CTNNA2: variants seen among roughly 807,000 people sequenced by gnomAD.
CTNNA2 encodes the protein catenin alpha 2, also known as catenin alpha-2.
Under a neutral mutation model 101.0 loss-of-function variants are expected in CTNNA2, and 42 were observed. The ratio of observed to expected loss-of-function variants is 0.42; its 90% confidence interval spans 0.32 to 0.54. The LOEUF is 0.54. Ranked by LOEUF, CTNNA2 falls within the 20% of genes least tolerant of loss-of-function variation. The pLI, the probability that CTNNA2 is intolerant of heterozygous loss-of-function variation, is 0.14. For missense variants in CTNNA2, 871 were observed against 1,223.1 expected (o/e 0.71, Z 4.29); for synonymous variants, 450 against 456.4 (o/e 0.99, Z 0.18).
intron 2 of CTNNA2, among the ~76,000 whole-genome samples, chr2:79,288,992 G>A (rs1675710246): frequency 6.6e-6 from 1 of 152,152 alleles, no homozygotes. Context: ...TAGGCATTAT[G>A]TCTGACATGT....
chr2:80,629,264 A>G (rs1233792386), intron 18 of CTNNA2, among the ~76,000 whole-genome samples: 1 of 152,162 alleles, frequency 6.6e-6, no homozygotes, highest in Non-Finnish European at 1.5e-5. Flanking sequence ...CTCTGCTGTC[A>G]TCAAGATTGC....
intron 7 of CTNNA2, among the ~76,000 whole-genome samples, chr2:80,024,073 C>T (rs1027151585): frequency 6.9e-5 from 9 of 130,224 alleles, no homozygotes; most frequent in African/African-American, 1.2e-4. Context: ...GGCGACAGAG[C>T]GAGACTCCGT....
chr2:80,242,929 C>T (rs893634629), intron 7 of CTNNA2, among the ~76,000 whole-genome samples: 5 of 152,022 alleles, frequency 3.3e-5, no homozygotes, highest in African/African-American at 1.2e-4. Flanking sequence ...AGGAGAGAGG[C>T]GGAGGGAGCA....
At chr2:79,320,260 A>ATTTTTTTTTTTTTTTTTTTTTT (rs34694986) in intron 3 of CTNNA2, among the ~76,000 whole-genome samples, 1 of 119,786 alleles carries the variant, frequency 8.3e-6, no homozygotes, top group Non-Finnish European at 1.7e-5. Context: ...TTACGTTTCA[A>ATTTTTTTTTTTTTTTTTTTTTT]TTTTTTTTTT....
intron 7 of CTNNA2, among the ~76,000 whole-genome samples, chr2:79,939,312 C>T (rs926751336): frequency 6.6e-6 from 1 of 152,188 alleles, no homozygotes; most frequent in Non-Finnish European, 1.5e-5. Flanking sequence ...TTAGACTTAA[C>T]TTTCTGTGTA....
Position 80,585,537 on chromosome 2 carries a change from C to T in CTNNA2, c.2007+3718C>T, listed in dbSNP as rs919122867. ...CAAAATCTGATATGTTCCCTTTCCT[C>T]TTGGCCATGAAGATAATTTTTCTCA... On this transcript the variant is annotated intron_variant, in intron 14 of 18. Transcript: ENST00000402739. 2.6e-5 allele frequency among the ~76,000 whole-genome samples: 4 copies of T among 152,240 alleles called. No homozygotes were observed. The East Asian group carries it at 7.7e-4, about 29-fold the overall frequency.
chr2:79,908,038 A>T (rs1035918910), intron 6 of CTNNA2, among the ~76,000 whole-genome samples: 4 of 152,214 alleles, frequency 2.6e-5, no homozygotes, highest in African/African-American at 9.6e-5. Flanking sequence ...ACACCCTAGG[A>T]TGCTTTGGAG....
intron 1 of CTNNA2, among the ~76,000 whole-genome samples, chr2:79,553,546 C>T (rs1480399132): frequency 6.6e-6 from 1 of 152,244 alleles, no homozygotes; most frequent in Admixed American, 6.5e-5. Flanking sequence ...ACAGGCTTAA[C>T]ATGAAGCATG....
At chr2:79,951,509 T>C (rs1222692375) in intron 7 of CTNNA2, among the ~76,000 whole-genome samples, 2 of 151,816 alleles carry the variant, frequency 1.3e-5, no homozygotes, top group African/African-American at 4.8e-5. Context: ...CTACTAAAAA[T>C]ACAAAAATAG....
intron 1 of CTNNA2, among the ~76,000 whole-genome samples, chr2:79,194,627 C>A (rs1314738981): frequency 1.3e-5 from 2 of 152,150 alleles, no homozygotes; most frequent in Admixed American, 6.5e-5. Context: ...TCATTGCTAA[C>A]CACCAGGGCA....
At chr2:79,929,441 C>A (rs563045992) in intron 7 of CTNNA2, among the ~76,000 whole-genome samples, 1 of 152,314 alleles carries the variant, frequency 6.6e-6, no homozygotes, top group African/African-American at 2.4e-5. Context: ...AAAGCAAAAA[C>A]TTTAGAATAG....
intron 2 of CTNNA2, among the ~76,000 whole-genome samples, chr2:79,224,046 A>C (rs1386627289): frequency 1.3e-5 from 2 of 152,220 alleles, no homozygotes; most frequent in African/African-American, 4.8e-5. Context: ...TCCGTTGTAC[A>C]TTTCTGATCT....
chr2:80,302,698 C>T lies in CTNNA2; in HGVS notation c.1057-90513C>T. 6.2e-7 allele frequency: 1 copy of T among 1,612,636 alleles called. No homozygotes were observed. The highest frequency in any genetic ancestry group is 1.3e-5 in the African/African-American group (1 of 75,050). On this transcript the variant is annotated intron_variant, in intron 7 of 18. Transcript: ENST00000402739. The surrounding 1 kb of genome is among the most constrained non-coding windows in gnomAD (Gnocchi z 6.4). ...CACTGCGGTTGGTGACGGCCGAGAG[C>T]AGGTGGCCGCTGGTGGGCTCGGCCC...
chr2:80,197,742 T>G (rs1706926983), intron 7 of CTNNA2, among the ~76,000 whole-genome samples: 1 of 152,184 alleles, frequency 6.6e-6, no homozygotes, highest in South Asian at 2.1e-4. Context: ...ACCTTCAGTC[T>G]CTCACACTGA....
intron 3 of CTNNA2, among the ~76,000 whole-genome samples, chr2:79,799,990 A>C (rs1016263847): frequency 3.3e-5 from 5 of 152,176 alleles, no homozygotes; most frequent in Non-Finnish European, 5.9e-5. Context: ...CATGATCTGA[A>C]AGGCCAAGTG....
intron 18 of CTNNA2, among the ~76,000 whole-genome samples, chr2:80,637,333 G>GT (rs1472716428): frequency 6.6e-6 from 1 of 152,034 alleles, no homozygotes; most frequent in Non-Finnish European, 1.5e-5. Context: ...CTTTTATGAG[G>GT]TAGAGGTAAG....
Position 80,591,089 on chromosome 2 carries a change from C to G in CTNNA2, c.2189+1604C>G, listed in dbSNP as rs6747948. Reference sequence around the variant, plus strand: ...ATGTTACTAGTTTTGATCAGGAGCACATTTTATAATTCTCTAGATTATATA... The same window carrying G: ...ATGTTACTAGTTTTGATCAGGAGCAGATTTTATAATTCTCTAGATTATATA... On this transcript the variant is annotated intron_variant, in intron 15 of 18. Transcript: ENST00000402739. 5.0e-3 allele frequency among the ~76,000 whole-genome samples: 762 copies of G among 152,180 alleles called. 5 individuals carry two copies. The highest frequency in any genetic ancestry group is 0.018 in the African/African-American group (740 of 41,498).
chr2:79,720,519 A>G (rs1280597742), intron 2 of CTNNA2, among the ~76,000 whole-genome samples: 1 of 152,152 alleles, frequency 6.6e-6, no homozygotes, highest in Non-Finnish European at 1.5e-5. Context: ...CTTCCAATCT[A>G]TAAACATGGA....
intron 7 of CTNNA2, among the ~76,000 whole-genome samples, chr2:80,178,029 C>G (rs1705509459): frequency 2.6e-5 from 4 of 152,222 alleles, no homozygotes. Context: ...GCATATTGCA[C>G]AAAGCCTGTG....
Sources: allele counts gnomAD v4.1 joint callset (sites outside exome capture counted in the v4.1 genomes callset), GRCh38; gene constraint gnomAD v4.1.1; non-coding constraint Gnocchi (gnomAD v3.1); transcripts MANE v1.5; gene names NCBI Gene and HGNC (gene_info 2026-07-23, HGNC 2026-07-21).